Variants in SORBS2 observed in about 807,000 individuals in gnomAD.
SORBS2 encodes the protein sorbin and SH3 domain-containing protein 2.
Under a neutral mutation model 97.7 loss-of-function variants are expected in SORBS2, and 46 were observed. The observed-to-expected ratio is 0.47, with a 90% CI of 0.37 to 0.60. SORBS2 has a LOEUF of 0.60. Among genes scored for constraint, SORBS2 ranks in the 20% least tolerant of loss-of-function variants. The probability of loss-of-function intolerance (pLI) is 0.00; values close to 1 mark genes in which losing one functional copy is unlikely to be tolerated. For synonymous variants in SORBS2, 476 were observed against 473.4 expected, an observed-to-expected ratio of 1.01 and a Z score of -0.07; for missense variants, 1,316 against 1,282.3, an observed-to-expected ratio of 1.03 and a Z score of -0.40.
At chr4:185,837,939 T>A (rs2099209090) in intron 1 of SORBS2, among the ~76,000 whole-genome samples, 2 of 152,140 alleles carry the variant, frequency 1.3e-5, no homozygotes, top group South Asian at 4.1e-4. Flanking sequence ...CACTTGAAGT[T>A]TTTTGTTTGT....
intron 1 of SORBS2, among the ~76,000 whole-genome samples, chr4:185,896,892 C>CAAAA (rs70962602): frequency 9.1e-6 from 1 of 109,862 alleles, no homozygotes; most frequent in African/African-American, 3.8e-5. Flanking sequence ...TACACATGGC[C>CAAAA]AAAAAAAAAA....
intron 4 of SORBS2, among the ~76,000 whole-genome samples, chr4:185,676,414 C>T (rs1313776067): frequency 2.0e-5 from 3 of 152,174 alleles, no homozygotes; most frequent in Non-Finnish European, 4.4e-5. Flanking sequence ...GAGAATTCTA[C>T]ACACATGGAA....
At chr4:185,742,712 G>T (rs983513296) in intron 2 of SORBS2, among the ~76,000 whole-genome samples, 2 of 152,292 alleles carry the variant, frequency 1.3e-5, no homozygotes, top group Admixed American at 6.5e-5. Flanking sequence ...CATAAATAAA[G>T]ATATATTTGC....
intron 1 of SORBS2, among the ~76,000 whole-genome samples, chr4:185,953,716 C>T (rs1424995239): frequency 6.6e-6 from 1 of 152,248 alleles, no homozygotes; most frequent in South Asian, 2.1e-4. Context: ...ATCATGTCAA[C>T]TCCATCATCC....
At chr4:185,820,851 C>T (rs574461791) in intron 1 of SORBS2, among the ~76,000 whole-genome samples, 68 of 152,316 alleles carry the variant, frequency 4.5e-4, no homozygotes, top group South Asian at 1.0e-3. Context: ...GACCCTGCTT[C>T]CAGGGCTCAG....
At chr4:185,701,719 C>T (rs141896503) in intron 2 of SORBS2, among the ~76,000 whole-genome samples, 82 of 151,756 alleles carry the variant, frequency 5.4e-4, no homozygotes, top group East Asian at 2.5e-3. Flanking sequence ...AAATGTCACT[C>T]ATATTGGGAG....
intron 2 of SORBS2, among the ~76,000 whole-genome samples, chr4:185,730,789 C>T (rs144623387): frequency 1.6e-4 from 25 of 152,302 alleles, no homozygotes; most frequent in African/African-American, 3.6e-4. Context: ...TGCAGCTGTG[C>T]CTTTGGAGCT....
chr4:185,799,499 G>T (rs373681758), intron 1 of SORBS2, among the ~76,000 whole-genome samples: 2 of 152,180 alleles, frequency 1.3e-5, no homozygotes, highest in Non-Finnish European at 1.5e-5. Flanking sequence ...TTAGAGTCCC[G>T]CTGAGGTCGC....
At chr4:185,697,609 A>T (rs867656710) in intron 2 of SORBS2, among the ~76,000 whole-genome samples, 3 of 152,120 alleles carry the variant, frequency 2.0e-5, no homozygotes, top group South Asian at 2.1e-4. Context: ...TAGCTTTTTT[A>T]AAAAAATCAT....
intron 1 of SORBS2, among the ~76,000 whole-genome samples, chr4:185,853,283 C>T (rs1300557141): frequency 6.6e-6 from 1 of 152,050 alleles, no homozygotes; most frequent in Non-Finnish European, 1.5e-5. Context: ...GAAATAAAAC[C>T]ACTTCTACAA....
At chr4:185,902,195 A>G (rs888569816) in intron 1 of SORBS2, among the ~76,000 whole-genome samples, 1 of 152,226 alleles carries the variant, frequency 6.6e-6, no homozygotes. Context: ...ATCACTGCTG[A>G]AGAAAATATC....
At chr4:185,596,617 C>T (rs768458913) in intron 12 of SORBS2, among the ~76,000 whole-genome samples, 2 of 148,004 alleles carry the variant, frequency 1.4e-5, no homozygotes, top group Admixed American at 1.4e-4. Context: ...TCACTGCAAC[C>T]TCTGCCTCCC....
intron 4 of SORBS2, among the ~76,000 whole-genome samples, chr4:185,667,866 C>G (rs1483411014): frequency 1.3e-5 from 2 of 151,454 alleles, no homozygotes; most frequent in South Asian, 4.2e-4. Flanking sequence ...GGAGGTGAAA[C>G]TTTAATATTA....
At chr4:185,663,413 T>C (rs183489096) in intron 4 of SORBS2, among the ~76,000 whole-genome samples, 1 of 152,342 alleles carries the variant, frequency 6.6e-6, no homozygotes, top group African/African-American at 2.4e-5. Context: ...ACCACTTATG[T>C]CCCCAAATCA....
chr4:185,720,923 G>T (rs530775472), intron 2 of SORBS2, among the ~76,000 whole-genome samples: 1 of 152,074 alleles, frequency 6.6e-6, no homozygotes, highest in South Asian at 2.1e-4. Flanking sequence ...TAGGCCCATC[G>T]CTCTGTCTCC....
intron 1 of SORBS2, among the ~76,000 whole-genome samples, chr4:185,653,075 C>T (rs1402707534): frequency 6.6e-6 from 1 of 152,116 alleles, no homozygotes; most frequent in African/African-American, 2.4e-5. Context: ...TGTTTAACTC[C>T]TTTTGGTAGA....
intron 13 of SORBS2, among the ~76,000 whole-genome samples, chr4:185,592,549 G>A (rs896343207): frequency 6.6e-6 from 1 of 152,026 alleles, no homozygotes; most frequent in Admixed American, 6.6e-5. Flanking sequence ...CCAGTTAAGC[G>A]ATCTTTTTGT....
At chr4:185,754,887 C>T (rs369553547) in intron 2 of SORBS2, among the ~76,000 whole-genome samples, 6 of 152,290 alleles carry the variant, frequency 3.9e-5, no homozygotes, top group East Asian at 1.9e-4. Flanking sequence ...ATCACTTCTA[C>T]GAGCCAGAAA....
chr4:185,624,116 C>A (rs1265513372), exon 7 of SORBS2: 2 of 1,614,238 alleles, frequency 1.2e-6, no homozygotes, highest in Non-Finnish European at 1.7e-6. Flanking sequence ...CCTTGATCTG[C>A]CGTTACTGCG....
Sources: gnomAD v4.1 joint callset for allele counts (sites outside exome capture counted in the v4.1 genomes callset) on GRCh38, gnomAD v4.1.1 for gene constraint, MANE v1.5 for transcripts, NCBI Gene and HGNC (gene_info 2026-07-23, HGNC 2026-07-21) for gene names.